The following ACTN4 variants were observed in gnomAD, a reference collection of about 807,000 sequenced individuals.
The protein encoded by ACTN4 is alpha-actinin-4.
ACTN4 carries 18 observed loss-of-function variants against 114.2 expected under a neutral mutation model. The observed-to-expected ratio is 0.16, with a 90% CI of 0.11 to 0.23. The LOEUF (loss-of-function observed/expected upper bound fraction) is 0.23, where lower values mean the gene tolerates loss of function less well. Ranked by LOEUF, ACTN4 falls within the 10% of genes least tolerant of loss-of-function variation. ACTN4 has a pLI of 1.00. For synonymous variants in ACTN4, 515 were observed against 506.3 expected (o/e 1.02, Z -0.23); for missense variants, 722 against 1,262.9 (o/e 0.57, Z 6.49).
rs369258252 is a variant in ACTN4 at position 38,653,523 on chromosome 19, G to C, written c.162+5616G>C. Among the ~76,000 whole-genome samples, 98 of 151,912 alleles carry C rather than the reference G, an allele frequency of 6.5e-4. 2 individuals carry two copies. The East Asian group carries it at 0.01, about 16-fold the overall frequency. On this transcript the variant is annotated intron_variant, in intron 1 of 20. Coordinates refer to ENST00000252699, the MANE Select transcript of ACTN4 (RefSeq NM_004924.6). ...CTGTTTGCTCTAGTATCACTTGCTC[G>C]TTCAGGTTTTCTGAATAGCTGAAAT...
Position 38,647,914 on chromosome 19 carries a change from G to T in ACTN4, c.162+7G>T. Reference sequence around the variant, plus strand: ...GGAGAAGCAGCAGCGCAAGGTGCGCGGCCCGCGGGCCGGACGGGCTGGAGG... The same window carrying T: ...GGAGAAGCAGCAGCGCAAGGTGCGCTGCCCGCGGGCCGGACGGGCTGGAGG... On this transcript the variant is annotated splice_region_variant and intron_variant, in intron 1 of 20. Transcript: ENST00000252699. 1 of 1,489,120 alleles carries T rather than the reference G, an allele frequency of 6.7e-7. No homozygotes were observed. Among genetic ancestry groups the T allele is most frequent in the Admixed American group, 2.3e-5 (1 of 43,472 alleles). 92.2% of individuals were successfully genotyped at this position (1,489,120 alleles called of 1,614,324 possible).
chr19:38,656,678 T>G (rs1976720609), intron 1 of ACTN4, among the ~76,000 whole-genome samples: 1 of 152,200 alleles, frequency 6.6e-6, no homozygotes, highest in African/African-American at 2.4e-5. Context: ...TTGCAATGAT[T>G]GAATGGGATG....
intron 1 of ACTN4, among the ~76,000 whole-genome samples, chr19:38,673,567 T>TATAAA: frequency 1.1e-5 from 1 of 94,132 alleles, no homozygotes; most frequent in Non-Finnish European, 2.0e-5. Context: ...TTATATATAT[T>TATAAA]TATATATATT....
At position 38,731,455 on chromosome 19, in the gene ACTN4, C is replaced by T. The variant is rs993381089; in HGVS notation, c.*2023C>T. ...CCCCATAGGGTGTGTGAAGACAGAA[C>T]GCTCAGGACAGCGTCTGACACGTGA... On this transcript the variant is annotated 3_prime_UTR_variant, in exon 21 of 21. Transcript: ENST00000252699. 17 of 575,658 alleles carry T rather than the reference C, an allele frequency of 3.0e-5. No individual in the cohort carries two copies. The highest frequency in any genetic ancestry group is 3.8e-5 in the Non-Finnish European group (12 of 319,362). 35.7% of individuals were successfully genotyped at this position (575,658 alleles called of 1,614,324 possible).
intron 1 of ACTN4, among the ~76,000 whole-genome samples, chr19:38,667,657 GTGTGGAAAC>G (rs1347709558): frequency 1.3e-5 from 2 of 150,986 alleles, no homozygotes; most frequent in African/African-American, 4.9e-5. Context: ...TTGTTATGAA[GTGTGGAAAC>G]TGAGACGCTG....
intron 9 of ACTN4, among the ~76,000 whole-genome samples, chr19:38,715,806 G>T (rs892158498): frequency 2.6e-5 from 4 of 152,224 alleles, no homozygotes; most frequent in African/African-American, 9.6e-5. Flanking sequence ...AGGTATTTCT[G>T]TCTTTGAATT....
intron 1 of ACTN4, among the ~76,000 whole-genome samples, chr19:38,677,738 CT>C (rs1568694856): frequency 6.6e-6 from 1 of 152,046 alleles, no homozygotes; most frequent in Non-Finnish European, 1.5e-5. Context: ...CGATGCTTTT[CT>C]TTTTTTTCTT....
intron 1 of ACTN4, among the ~76,000 whole-genome samples, chr19:38,681,885 CAGT>C (rs1967587472): frequency 6.6e-6 from 1 of 152,092 alleles, no homozygotes; most frequent in Non-Finnish European, 1.5e-5. Context: ...GGCTGGAGTG[CAGT>C]AGCGCCATCT....
chr19:38,662,088 G>A (rs927097358), intron 1 of ACTN4, among the ~76,000 whole-genome samples: 1 of 152,196 alleles, frequency 6.6e-6, no homozygotes, highest in Non-Finnish European at 1.5e-5. Context: ...AAAGAGACAG[G>A]CATACAGGCT....
At chr19:38,671,751 T>C (rs551214010) in intron 1 of ACTN4, among the ~76,000 whole-genome samples, 7 of 152,306 alleles carry the variant, frequency 4.6e-5, no homozygotes, top group Admixed American at 2.0e-4. Context: ...CCACAGTCCT[T>C]ATCAAACTTC....
At chr19:38,661,564 T>C (rs1976886521) in intron 1 of ACTN4, among the ~76,000 whole-genome samples, 2 of 152,236 alleles carry the variant, frequency 1.3e-5, no homozygotes, top group African/African-American at 2.4e-5. Context: ...TTTTGTAAAA[T>C]GTTGAGTCTC....
intron 1 of ACTN4, among the ~76,000 whole-genome samples, chr19:38,683,261 T>TTA (rs1349411535): frequency 6.6e-6 from 1 of 152,146 alleles, no homozygotes; most frequent in African/African-American, 2.4e-5. Flanking sequence ...TGCAGTGCCC[T>TTA]CAGACCTAAC....
intron 1 of ACTN4, among the ~76,000 whole-genome samples, chr19:38,656,083 A>G (rs1164821770): frequency 2.0e-5 from 3 of 152,000 alleles, no homozygotes; most frequent in Admixed American, 6.6e-5. Flanking sequence ...TTTGTTCCTC[A>G]CACAACTTTT....
At position 38,729,782 on chromosome 19, in the gene ACTN4, C is replaced by A; in HGVS notation, c.*350C>A. 2.1e-6 allele frequency: 1 copy of A among 480,768 alleles called. No homozygotes were observed. The highest frequency in any genetic ancestry group is 1.6e-5 in the South Asian group (1 of 60,926). The allele number at this position is 480,768 out of a possible 1,614,324, so 29.8% of individuals were successfully genotyped here. Reference sequence around the variant, plus strand: ...CACCACACCCAGGTCTCTTCCTTTGCTCTGAGGTCCCTTCAAGGCCTCCCC... The same window carrying A: ...CACCACACCCAGGTCTCTTCCTTTGATCTGAGGTCCCTTCAAGGCCTCCCC... On this transcript the variant is annotated 3_prime_UTR_variant, in exon 21 of 21. Coordinates refer to ENST00000252699, the MANE Select transcript of ACTN4 (RefSeq NM_004924.6).
intron 8 of ACTN4, chr19:38,711,387 T>A: frequency 4.0e-6 from 4 of 990,354 alleles, no homozygotes; most frequent in Non-Finnish European, 4.9e-6. Context: ...CACACCTCGC[T>A]GCTGGGGCTG....
Position 38,729,076 on chromosome 19 carries a change from C to T in ACTN4, c.2499C>T (p.Asp833=), listed in dbSNP as rs762889467. 8.7e-6 allele frequency: 14 copies of T among 1,613,366 alleles called. No individual in the cohort carries two copies. The highest frequency in any genetic ancestry group is 1.2e-5 in the Non-Finnish European group (14 of 1,179,992). ...SGLVTFQAFI[D]FMSRETTDTD... ...TTGTGACCTTCCAAGCCTTCATCGA[C>T]TTCATGTCGCGGGAGACCACCGACA... Residue 833 remains aspartate, a synonymous_variant, in exon 20 of 21, where the codon GAC becomes GAT. Transcript: ENST00000252699.
intron 1 of ACTN4, among the ~76,000 whole-genome samples, chr19:38,679,110 C>T (rs974943047): frequency 1.1e-4 from 16 of 152,180 alleles, no homozygotes; most frequent in African/African-American, 3.9e-4. Flanking sequence ...GTATGGCCTC[C>T]AAGCTGGGTT....
At chr19:38,721,847 T>C (rs1969057112) in intron 12 of ACTN4, 159 bp downstream of exon 12, 2 of 1,077,624 alleles carry the variant, frequency 1.9e-6, no homozygotes, top group East Asian at 2.6e-5. Context: ...AAGGGCCTTA[T>C]GGGATGAGGC....
intron 8 of ACTN4, 48 bp from the exon 9 acceptor site, chr19:38,714,421 G>A (rs1486657967): frequency 6.3e-7 from 1 of 1,576,204 alleles, no homozygotes; most frequent in African/African-American, 1.3e-5. Context: ...CCGTCAGGAG[G>A]GAGGGTGGCC....
Sources: allele counts gnomAD v4.1 joint callset (sites outside exome capture counted in the v4.1 genomes callset), GRCh38; gene constraint gnomAD v4.1.1; transcripts MANE v1.5; gene names NCBI Gene and HGNC (gene_info 2026-07-23, HGNC 2026-07-21).